Variants in ARHGEF10L observed in about 807,000 individuals in gnomAD.
ARHGEF10L encodes the protein rho guanine nucleotide exchange factor 10-like protein.
A neutral mutation model predicts 141.2 loss-of-function variants in ARHGEF10L; 69 were observed. That is an observed-to-expected ratio of 0.49 (90% confidence interval 0.40 to 0.60). The LOEUF is 0.60. Ranked by LOEUF, ARHGEF10L falls within the 20% of genes least tolerant of loss-of-function variation. The pLI is 0.00. For missense variants in ARHGEF10L, 1,482 were observed against 1,734.3 expected, an observed-to-expected ratio of 0.85 and a Z score of 2.58; for synonymous variants, 711 against 718.5, an observed-to-expected ratio of 0.99 and a Z score of 0.17.
At chr1:17,638,734 GCTTCCAGTGGAGCAGGGGA>G (rs1285570437) in intron 20 of ARHGEF10L, 45 bp downstream of exon 20, 16 of 1,609,832 alleles carry the variant, frequency 9.9e-6, no homozygotes, top group Non-Finnish European at 1.4e-5. Flanking sequence ...CCTCTGCTGG[GCTTCCAGTGGAGCAGGGGA>G]TCCGGAGAGG....
intron 16 of ARHGEF10L, among the ~76,000 whole-genome samples, chr1:17,633,642 G>A (rs372360385): frequency 6.5e-4 from 99 of 152,200 alleles, no homozygotes; most frequent in African/African-American, 2.1e-3. Context: ...GTAAGCCACC[G>A]TGCCCCACCT....
intron 22 of ARHGEF10L, among the ~76,000 whole-genome samples, chr1:17,649,533 C>T (rs747021416): frequency 6.6e-6 from 1 of 152,192 alleles, no homozygotes; most frequent in Non-Finnish European, 1.5e-5. Context: ...GATATGAGTT[C>T]ATTTGTTCAC....
intron 22 of ARHGEF10L, among the ~76,000 whole-genome samples, chr1:17,651,659 C>T (rs930521183): frequency 2.6e-5 from 4 of 152,114 alleles, no homozygotes; most frequent in East Asian, 1.9e-4. Context: ...CCAGGGCCCA[C>T]GAACCTCCTC....
intron 7 of ARHGEF10L, 147 bp from the exon 8 acceptor site, chr1:17,612,911 C>T: frequency 1.6e-6 from 1 of 637,954 alleles, no homozygotes; most frequent in South Asian, 1.8e-5. Context: ...TGCCTGGGAC[C>T]TGGGGTGCCG....
In ARHGEF10L at chr1:17,632,456, A is replaced by C; in HGVS notation, c.1720A>C (p.Ile574Leu). Residue 574 changes from isoleucine (I) to leucine (L), a missense_variant, in exon 16 of 29, where the codon ATC (isoleucine) becomes CTC (leucine). Physicochemically the swap from Ile to Leu is conservative, Grantham distance 5 (BLOSUM62 2). Transcript: ENST00000361221. ...CAACGACATGCTTGTCTGTGCCAAC[A>C]TCAACTTCAAGTAAGTGGGCCTGGG... ...LLNDMLVCAN[I>L]NFKPANHRGQ... The C allele has an allele frequency of 6.2e-7, 1 of 1,614,112 alleles. No individual in the cohort carries two copies. The highest frequency in any genetic ancestry group is 1.1e-5 in the South Asian group (1 of 91,078).
chr1:17,622,051 AC>A, intron 11 of ARHGEF10L, 110 bp downstream of exon 11: 1 of 1,098,406 alleles, frequency 9.1e-7, no homozygotes, highest in Non-Finnish European at 1.4e-6. Flanking sequence ...AGGGGACAGG[AC>A]CATAAGCCAG....
intron 26 of ARHGEF10L, among the ~76,000 whole-genome samples, chr1:17,679,034 T>G (rs1365194240): frequency 1.3e-5 from 2 of 152,086 alleles, no homozygotes; most frequent in East Asian, 3.9e-4. Context: ...TTAAAGGAAA[T>G]TTGGGGTCTG....
chr1:17,630,465 T>C (rs1052572755), intron 15 of ARHGEF10L, among the ~76,000 whole-genome samples: 1 of 152,132 alleles, frequency 6.6e-6, no homozygotes, highest in African/African-American at 2.4e-5. Flanking sequence ...TGAGTTGGCG[T>C]TTGGTTTCCT....
At position 17,619,403 on chromosome 1, in the gene ARHGEF10L, C is replaced by G. The variant is rs897922320; in HGVS notation, c.900C>G (p.Ala300=). 1 of 1,612,328 alleles carries G rather than the reference C, an allele frequency of 6.2e-7. No homozygotes were observed. Residue 300 remains alanine, a synonymous_variant, in exon 10 of 29, where the codon GCC becomes GCG. Coordinates refer to ENST00000361221, the MANE Select transcript of ARHGEF10L (RefSeq NM_018125.4). The surrounding 1 kb of genome is among the most constrained non-coding windows in gnomAD (Gnocchi z 5.0). ...EVSVSDIKPP[A]PELGPMPEGL... Reference sequence around the variant, plus strand: ...GCGTTTCGGACATCAAGCCCCCAGCCCCAGAGCTGGGCCCCATGCCAGAGG... The same window carrying G: ...GCGTTTCGGACATCAAGCCCCCAGCGCCAGAGCTGGGCCCCATGCCAGAGG...
intron 1 of ARHGEF10L, among the ~76,000 whole-genome samples, chr1:17,563,327 C>G (rs1017529469): frequency 6.6e-6 from 1 of 151,990 alleles, no homozygotes; most frequent in Non-Finnish European, 1.5e-5. Context: ...CTCGACCTCC[C>G]AGGCTCAAGT....
At chr1:17,525,531 C>G in the ARHGEF10L span, among the ~76,000 whole-genome samples, 1 of 152,108 alleles carries the variant, frequency 6.6e-6, no homozygotes, top group African/African-American at 2.4e-5. Flanking sequence ...TGGTGGCACA[C>G]GCCTGTGGTC....
In ARHGEF10L at chr1:17,637,240, G is replaced by T. The variant is rs545575924; in HGVS notation, c.1928-648G>T. Among the ~76,000 whole-genome samples the T allele has an allele frequency of 2.5e-4, 38 of 152,174 alleles. 1 individual carries two copies. Among genetic ancestry groups the T allele is most frequent in the Non-Finnish European group, 8.8e-5 (6 of 68,040 alleles). ...TGTCTTTGAACAACTTGCTGTTCAT[G>T]GGCTGCCTCAAGCCACAGTGCCTTT... On this transcript the variant is annotated intron_variant, in intron 18 of 28. Transcript: ENST00000361221.
At chr1:17,624,237 C>T (rs758385910) in intron 12 of ARHGEF10L, 150 bp from the exon 13 acceptor site, 10 of 700,974 alleles carry the variant, frequency 1.4e-5, no homozygotes, top group Non-Finnish European at 2.1e-5. Flanking sequence ...GATGGATTTG[C>T]ACAGCTCGAG....
At chr1:17,665,460 T>C (rs970388471) in intron 26 of ARHGEF10L, among the ~76,000 whole-genome samples, 6 of 152,148 alleles carry the variant, frequency 3.9e-5, no homozygotes, top group African/African-American at 4.8e-5. Context: ...CGGGGCCTTA[T>C]GGATGAGCTC....
intron 1 of ARHGEF10L, among the ~76,000 whole-genome samples, chr1:17,554,534 T>C (rs951852265): frequency 6.6e-6 from 1 of 151,646 alleles, no homozygotes; most frequent in Non-Finnish European, 1.5e-5. Flanking sequence ...GAAGGGGATT[T>C]TGGGAGGCTG....
chr1:17,581,007 A>T (rs1465029126), intron 2 of ARHGEF10L, among the ~76,000 whole-genome samples: 1 of 152,062 alleles, frequency 6.6e-6, no homozygotes, highest in African/African-American at 2.4e-5. Flanking sequence ...ATTTAGTGAA[A>T]AAAAGAGAAA....
chr1:17,532,431 C>G, the ARHGEF10L span, among the ~76,000 whole-genome samples: 1 of 152,166 alleles, frequency 6.6e-6, no homozygotes, highest in Non-Finnish European at 1.5e-5. Context: ...TGCCTGTTAT[C>G]CCTAGAGGAG....
chr1:17,587,685 G>A (rs745976369), intron 3 of ARHGEF10L, 40 bp downstream of exon 3: 2 of 1,566,532 alleles, frequency 1.3e-6, no homozygotes, highest in Non-Finnish European at 1.7e-6. Context: ...GGGGCTACAG[G>A]GAGCATGGAG....
At chr1:17,572,809 TGGA>T (rs1440223171) in intron 1 of ARHGEF10L, among the ~76,000 whole-genome samples, 1 of 152,026 alleles carries the variant, frequency 6.6e-6, no homozygotes, top group African/African-American at 2.4e-5. Context: ...TTGTGAAAGG[TGGA>T]GGAGGTGAGC....
Sources: gnomAD v4.1 joint callset for allele counts (sites outside exome capture counted in the v4.1 genomes callset) on GRCh38, gnomAD v4.1.1 for gene constraint, Gnocchi (gnomAD v3.1) non-coding constraint, MANE v1.5 for transcripts, NCBI Gene and HGNC (gene_info 2026-07-23, HGNC 2026-07-21) for gene names.